FAT3: variants seen among roughly 807,000 people sequenced by gnomAD.
The protein encoded by FAT3 is FAT atypical cadherin 3, also known as protocadherin Fat 3.
A neutral mutation model predicts 310.2 loss-of-function variants in FAT3; 95 were observed. That is an observed-to-expected ratio of 0.31 (90% CI 0.26 to 0.36). FAT3 has a LOEUF of 0.36. Among genes scored for constraint, FAT3 ranks in the 10% least tolerant of loss-of-function variants. The probability of loss-of-function intolerance (pLI) is 1.00; values close to 1 mark genes in which losing one functional copy is unlikely to be tolerated. For missense variants in FAT3, 5,408 were observed against 5,715.6 expected (o/e 0.95, Z 1.74); for synonymous variants, 2,314 against 2,192.9 (o/e 1.06, Z -1.54).
rs559453955 is a variant in FAT3, at chr11:92,252,044, G to A, written c.-18+26870G>A. On this transcript the variant is annotated intron_variant, in intron 1 of 27. Transcript: ENST00000525166. ...CTTTTAGAGATGTTTAGGTTATCTGGGCCTCTGTGTTACTCCATTTTCAAC... is the reference window on the plus strand; with the variant it reads ...CTTTTAGAGATGTTTAGGTTATCTGAGCCTCTGTGTTACTCCATTTTCAAC... Among the ~76,000 whole-genome samples, 103 of 152,114 alleles carry A rather than the reference G, an allele frequency of 6.8e-4. 1 individual carries two copies. The highest frequency in any genetic ancestry group is 2.4e-3 in the African/African-American group (101 of 41,500).
intron 11 of FAT3, among the ~76,000 whole-genome samples, chr11:92,806,102 C>T (rs1305021583): frequency 6.6e-6 from 1 of 152,054 alleles, no homozygotes; most frequent in Non-Finnish European, 1.5e-5. Flanking sequence ...TTTTCTTTGC[C>T]GTGGTACTCT....
Position 92,891,025 on chromosome 11 carries a change from C to T in FAT3, c.13682C>T (p.Ala4561Val), listed in dbSNP as rs780465009. The T allele has an allele frequency of 6.2e-7, 1 of 1,613,878 alleles. No homozygotes were observed. The highest frequency in any genetic ancestry group is 8.5e-7 in the Non-Finnish European group (1 of 1,179,858). Reference protein sequence around the residue: ...ANCGFDDSEVAMSDYESVGEL... With the variant: ...ANCGFDDSEVVMSDYESVGEL... ...TGCGGCTTTGACGATTCCGAAGTAG[C>T]CATGAGTGACTACGAGAGCGTGGGA... Residue 4561 changes from alanine (A) to valine (V), a missense_variant, in exon 28 of 28, where the codon GCC becomes GTC. By Grantham distance (64) the Ala-to-Val change is moderately conservative. This residue lies in a region of FAT3 where 649 missense variants were observed against 666.2 expected (regional missense o/e 0.97). Transcript: ENST00000525166.
chr11:92,836,429 G>A (rs1166279612), intron 15 of FAT3, 137 bp from the exon 16 acceptor site: 1 of 875,950 alleles, frequency 1.1e-6, no homozygotes, highest in South Asian at 2.3e-5. Flanking sequence ...CTGGGGGCGT[G>A]GTCACTAACA....
chr11:92,552,304 T>A (rs1181101510), intron 3 of FAT3, among the ~76,000 whole-genome samples: 1 of 152,214 alleles, frequency 6.6e-6, no homozygotes, highest in Non-Finnish European at 1.5e-5. Flanking sequence ...GATGTGTTTT[T>A]AATGAATTAC....
intron 1 of FAT3, among the ~76,000 whole-genome samples, chr11:92,232,633 T>TTG: frequency 9.2e-6 from 1 of 108,972 alleles, no homozygotes; most frequent in East Asian, 4.1e-4. Flanking sequence ...ATGTCGTTTT[T>TTG]TTTTTTTTTT....
intron 2 of FAT3, among the ~76,000 whole-genome samples, chr11:92,394,429 G>GGAAA (rs1167718393): frequency 1.3e-5 from 2 of 152,002 alleles, no homozygotes; most frequent in Non-Finnish European, 1.5e-5. Context: ...AGCCTATGCT[G>GGAAA]GAAAGAAAGA....
chr11:92,647,258 A>T (rs1591559858), intron 3 of FAT3, among the ~76,000 whole-genome samples: 1 of 152,254 alleles, frequency 6.6e-6, no homozygotes, highest in South Asian at 2.1e-4. Flanking sequence ...ATATATAAAG[A>T]TGAATAAATA....
intron 19 of FAT3, among the ~76,000 whole-genome samples, chr11:92,854,960 T>C (rs890663416): frequency 6.6e-6 from 1 of 152,252 alleles, no homozygotes; most frequent in African/African-American, 2.4e-5. Flanking sequence ...CATAAGCTGC[T>C]GTTTCCATAC....
At chr11:92,361,779 A>G (rs547887653) in intron 2 of FAT3, among the ~76,000 whole-genome samples, 2 of 152,388 alleles carry the variant, frequency 1.3e-5, no homozygotes, top group South Asian at 4.1e-4. Flanking sequence ...ATAGCACGTG[A>G]CAGCTCTCAC....
intron 3 of FAT3, among the ~76,000 whole-genome samples, chr11:92,650,924 G>A (rs1942352605): frequency 1.3e-5 from 2 of 152,218 alleles, no homozygotes; most frequent in Admixed American, 1.3e-4. Flanking sequence ...GTAATGGATA[G>A]CTAGTTAGCT....
At chr11:92,372,391 G>A (rs1949212556) in intron 2 of FAT3, among the ~76,000 whole-genome samples, 1 of 149,128 alleles carries the variant, frequency 6.7e-6, no homozygotes, top group South Asian at 2.2e-4. Flanking sequence ...GCACAAACTG[G>A]ACCTGGAAAG....
chr11:92,821,168 A>G (rs1025372850), intron 13 of FAT3, among the ~76,000 whole-genome samples: 1 of 152,168 alleles, frequency 6.6e-6, no homozygotes, highest in African/African-American at 2.4e-5. Flanking sequence ...CACTGAAAAG[A>G]CCCTGAGACA....
intron 7 of FAT3, among the ~76,000 whole-genome samples, chr11:92,786,980 G>C (rs1005575225): frequency 4.6e-5 from 7 of 152,114 alleles, no homozygotes; most frequent in African/African-American, 1.7e-4. Context: ...CTGACATTTT[G>C]GGTCAGATGA....
intron 15 of FAT3, among the ~76,000 whole-genome samples, chr11:92,835,836 A>C (rs1382768750): frequency 6.6e-6 from 1 of 152,168 alleles, no homozygotes; most frequent in African/African-American, 2.4e-5. Flanking sequence ...TCTGTCTAAC[A>C]GTAAGAACAA....
At chr11:92,258,182 C>A (rs1865388532) in intron 1 of FAT3, among the ~76,000 whole-genome samples, 1 of 152,102 alleles carries the variant, frequency 6.6e-6, no homozygotes, top group Admixed American at 6.6e-5. Context: ...AGAGACCCAG[C>A]CTCTGTGATC....
intron 3 of FAT3, among the ~76,000 whole-genome samples, chr11:92,683,823 T>C (rs1943555645): frequency 6.6e-6 from 1 of 152,188 alleles, no homozygotes; most frequent in Non-Finnish European, 1.5e-5. Flanking sequence ...AATACATTAA[T>C]ATAATTTCAA....
chr11:92,452,565 G>T (rs1951387101), intron 2 of FAT3, among the ~76,000 whole-genome samples: 1 of 152,096 alleles, frequency 6.6e-6, no homozygotes, highest in Non-Finnish European at 1.5e-5. Flanking sequence ...GCATAGAAAG[G>T]TTGTTAAAGT....
chr11:92,574,282 C>T (rs1366960600), intron 3 of FAT3, among the ~76,000 whole-genome samples: 1 of 152,098 alleles, frequency 6.6e-6, no homozygotes, highest in Non-Finnish European at 1.5e-5. Context: ...CTCCCCAACC[C>T]CACACCAAAC....
intron 2 of FAT3, among the ~76,000 whole-genome samples, chr11:92,514,985 GA>G (rs2135324975): frequency 6.6e-6 from 1 of 152,256 alleles, no homozygotes; most frequent in South Asian, 2.1e-4. Flanking sequence ...TTCTGGGTCA[GA>G]GATGTTGTGG....
Sources: allele counts gnomAD v4.1 joint callset (sites outside exome capture counted in the v4.1 genomes callset), GRCh38; gene constraint gnomAD v4.1.1; regional missense constraint gnomAD v4.1.1; transcripts MANE v1.5; gene names NCBI Gene and HGNC (gene_info 2026-07-23, HGNC 2026-07-21).